FGGY: variants seen among roughly 807,000 people sequenced by gnomAD.
FGGY encodes FGGY carbohydrate kinase domain-containing protein.
Under a neutral mutation model 71.3 loss-of-function variants are expected in FGGY, and 72 were observed. The observed-to-expected ratio is 1.01, with a 90% CI of 0.84 to 1.23. The LOEUF is 1.23. Ranked by LOEUF, FGGY falls within the 50% of genes most tolerant of loss-of-function variation. The pLI, the probability that FGGY is intolerant of heterozygous loss-of-function variation, is 0.00. For missense variants in FGGY, 668 were observed against 682.3 expected (o/e 0.98, Z 0.23); for synonymous variants, 251 against 250.3 (o/e 1.00, Z -0.02).
At chr1:59,360,786 A>G (rs1046070324) in intron 4 of FGGY, among the ~76,000 whole-genome samples, 4 of 152,190 alleles carry the variant, frequency 2.6e-5, no homozygotes, top group African/African-American at 9.7e-5. Flanking sequence ...CATTGTTTGA[A>G]GGGTAGGAAA....
intron 14 of FGGY, among the ~76,000 whole-genome samples, chr1:59,738,757 C>T (rs962528549): frequency 6.6e-6 from 1 of 152,194 alleles, no homozygotes; most frequent in Non-Finnish European, 1.5e-5. Flanking sequence ...TATTCTTGGC[C>T]TTATATAATC....
At chr1:59,632,563 C>T (rs978201068) in intron 10 of FGGY, among the ~76,000 whole-genome samples, 10 of 152,090 alleles carry the variant, frequency 6.6e-5, no homozygotes, top group South Asian at 2.1e-4. Flanking sequence ...AAAGGCTGTA[C>T]AAATCCCCCT....
At chr1:59,572,096 T>TA (rs1226090538) in intron 8 of FGGY, among the ~76,000 whole-genome samples, 1 of 152,180 alleles carries the variant, frequency 6.6e-6, no homozygotes, top group Admixed American at 6.5e-5. Flanking sequence ...ACAGTTTTTT[T>TA]AATGTTCACA....
At chr1:59,561,451 C>T (rs1372247549) in intron 8 of FGGY, among the ~76,000 whole-genome samples, 6 of 152,114 alleles carry the variant, frequency 3.9e-5, no homozygotes, top group Non-Finnish European at 8.8e-5. Context: ...ACAGACTGTG[C>T]ACTCAAGAAG....
rs556684163 is a variant in FGGY, at chr1:59,317,439, C to T, written c.-14-4097C>T. ...TAACATTGTGTGGGAATAAGTGACA[C>T]GATGATGATCCTTATCCTTGTTTAC... is the stretch of plus-strand genomic sequence containing the variant. On this transcript the variant is annotated intron_variant, in intron 1 of 15. Transcript: ENST00000303721. Among the ~76,000 whole-genome samples the T allele has an allele frequency of 9.8e-4, 149 of 152,306 alleles. 1 individual carries two copies. Among genetic ancestry groups the T allele is most frequent in the African/African-American group, 3.0e-3 (123 of 41,564 alleles).
intron 6 of FGGY, among the ~76,000 whole-genome samples, chr1:59,501,863 T>C (rs1480829971): frequency 6.6e-6 from 1 of 152,146 alleles, no homozygotes; most frequent in African/African-American, 2.4e-5. Context: ...ATCAAGGATC[T>C]CTCCTCAAGC....
rs568388578 is a variant in FGGY, at chr1:59,356,406, T to TA, written c.465+10009dup. On this transcript the variant is annotated intron_variant, in intron 4 of 15. Coordinates refer to ENST00000303721, the MANE Select transcript of FGGY (RefSeq NM_018291.5). ...AATTTCTTCCTTCACCAGGAAAACTTATAATAATAGTTCAAAACCCAGCCT... is the reference window on the plus strand; with the variant it reads ...AATTTCTTCCTTCACCAGGAAAACTTAATAATAATAGTTCAAAACCCAGCCT... Among the ~76,000 whole-genome samples the TA allele has an allele frequency of 3.9e-5, 6 of 152,252 alleles. No individual in the cohort carries two copies. In the South Asian group the frequency reaches 1.2e-3, roughly 32 times the overall value.
intron 5 of FGGY, among the ~76,000 whole-genome samples, chr1:59,443,921 A>G (rs2070599821): frequency 6.6e-6 from 1 of 152,198 alleles, no homozygotes; most frequent in African/African-American, 2.4e-5. Flanking sequence ...AAAGGGGTTC[A>G]GAAGAACTAG....
intron 14 of FGGY, among the ~76,000 whole-genome samples, chr1:59,728,028 T>C (rs2097970173): frequency 6.6e-6 from 1 of 152,134 alleles, no homozygotes; most frequent in Non-Finnish European, 1.5e-5. Flanking sequence ...CAATTCACAT[T>C]TAAAGTGATT....
At chr1:59,373,725 C>T (rs559843308) in intron 4 of FGGY, among the ~76,000 whole-genome samples, 1 of 152,064 alleles carries the variant, frequency 6.6e-6, no homozygotes, top group Non-Finnish European at 1.5e-5. Flanking sequence ...ATCAATGGAA[C>T]AGAACAGAGC....
At chr1:59,347,844 A>G (rs1196351748) in intron 4 of FGGY, among the ~76,000 whole-genome samples, 1 of 152,254 alleles carries the variant, frequency 6.6e-6, no homozygotes, top group Non-Finnish European at 1.5e-5. Flanking sequence ...ACCTAAAACC[A>G]TAAAAACCCT....
At chr1:59,538,704 A>G (rs2095382321) in intron 7 of FGGY, among the ~76,000 whole-genome samples, 1 of 152,076 alleles carries the variant, frequency 6.6e-6, no homozygotes, top group Non-Finnish European at 1.5e-5. Flanking sequence ...AGGGACATGG[A>G]TGAAATTGGA....
intron 5 of FGGY, among the ~76,000 whole-genome samples, chr1:59,403,538 A>G (rs2062271949): frequency 6.6e-6 from 1 of 152,162 alleles, no homozygotes; most frequent in South Asian, 2.1e-4. Context: ...ACCTCACAAG[A>G]TAGGAAGTGA....
intron 2 of FGGY, among the ~76,000 whole-genome samples, chr1:59,322,214 A>G (rs2153129343): frequency 6.6e-6 from 1 of 152,110 alleles, no homozygotes; most frequent in Non-Finnish European, 1.5e-5. Flanking sequence ...TAACTTACTC[A>G]AGTTCACACA....
At chr1:59,614,786 G>A (rs568482679) in intron 9 of FGGY, among the ~76,000 whole-genome samples, 2 of 152,242 alleles carry the variant, frequency 1.3e-5, no homozygotes, top group Admixed American at 1.3e-4. Context: ...AAGCTGATAA[G>A]CAACTTCAGC....
chr1:59,324,486 C>T (rs1474097747), intron 2 of FGGY, among the ~76,000 whole-genome samples: 3 of 151,256 alleles, frequency 2.0e-5, no homozygotes, highest in African/African-American at 7.3e-5. Flanking sequence ...CCGTTTTAGC[C>T]GGGATGGTCT....
intron 11 of FGGY, among the ~76,000 whole-genome samples, chr1:59,657,803 A>C (rs1199543099): frequency 1.3e-5 from 2 of 152,204 alleles, no homozygotes; most frequent in African/African-American, 4.8e-5. Flanking sequence ...CATAAAAGCC[A>C]CTTCTCTGAT....
chr1:59,296,800 C>T (rs1301297562), upstream of FGGY: 2 of 152,878 alleles, frequency 1.3e-5, no homozygotes. Flanking sequence ...GCGCGCAAGG[C>T]GGGGCTGTAG....
intron 11 of FGGY, among the ~76,000 whole-genome samples, chr1:59,639,651 C>G (rs1457868868): frequency 6.6e-6 from 1 of 152,138 alleles, no homozygotes. Flanking sequence ...ATATCTGAAG[C>G]CAAATAGAGC....
Sources: gnomAD v4.1 joint callset for allele counts (sites outside exome capture counted in the v4.1 genomes callset) on GRCh38, gnomAD v4.1.1 for gene constraint, MANE v1.5 for transcripts, NCBI Gene and HGNC (gene_info 2026-07-23, HGNC 2026-07-21) for gene names.